The following TMTC2 variants were observed in gnomAD, a reference collection of about 807,000 sequenced individuals.
TMTC2 encodes protein O-mannosyl-transferase TMTC2.
In TMTC2, 43 loss-of-function variants were observed where a neutral mutation model predicts 82.4. That is an observed-to-expected ratio of 0.52 (90% CI 0.41 to 0.67). The LOEUF (loss-of-function observed/expected upper bound fraction) is 0.67, where lower values mean the gene tolerates loss of function less well. Among genes scored for constraint, TMTC2 ranks in the 30% least tolerant of loss-of-function variants. The pLI is 0.00. For missense variants in TMTC2, 919 were observed against 1,012.4 expected, an observed-to-expected ratio of 0.91 and a Z score of 1.25; for synonymous variants, 408 against 381.9, an observed-to-expected ratio of 1.07 and a Z score of -0.80.
intron 4 of TMTC2, among the ~76,000 whole-genome samples, chr12:82,960,564 A>G (rs1877873387): frequency 6.6e-6 from 1 of 152,042 alleles, no homozygotes; most frequent in African/African-American, 2.4e-5. Flanking sequence ...TGGAAGTGGC[A>G]ACTAAATATT....
At chr12:82,840,075 G>A (rs1870252373) in intron 1 of TMTC2, among the ~76,000 whole-genome samples, 1 of 152,192 alleles carries the variant, frequency 6.6e-6, no homozygotes, top group Non-Finnish European at 1.5e-5. Context: ...CAACATTTCA[G>A]GAAAAAGTGC....
intron 11 of TMTC2, among the ~76,000 whole-genome samples, chr12:83,118,931 G>A (rs1430129516): frequency 6.6e-6 from 1 of 152,060 alleles, no homozygotes; most frequent in East Asian, 1.9e-4. Context: ...AGGTTTTCTA[G>A]TTTATGTACA....
chr12:82,717,280 A>G lies in TMTC2; in HGVS notation c.83+29611A>G, dbSNP rs189014472. ...GCTCTTGTCGCCCAGGCTGTAGTGC[A>G]ATGGCGTGATCTCATCTCACCACAA... On this transcript the variant is annotated intron_variant, in intron 1 of 11. Coordinates refer to ENST00000321196, the MANE Select transcript of TMTC2 (RefSeq NM_152588.3). 5.4e-4 allele frequency among the ~76,000 whole-genome samples: 82 copies of G among 151,200 alleles called. No individual in the cohort carries two copies. In the East Asian group the frequency reaches 7.6e-3, roughly 14 times the overall value.
At chr12:82,782,076 A>G (rs1271473001) in intron 1 of TMTC2, among the ~76,000 whole-genome samples, 2 of 152,080 alleles carry the variant, frequency 1.3e-5, no homozygotes, top group African/African-American at 2.4e-5. Context: ...TAACAGTCAC[A>G]CCATTAACAT....
chr12:83,127,653 A>G (rs907088370), intron 11 of TMTC2, among the ~76,000 whole-genome samples: 4 of 151,986 alleles, frequency 2.6e-5, no homozygotes, highest in Non-Finnish European at 4.4e-5. Flanking sequence ...TTTCTTTCCA[A>G]TCCTACATGA....
At chr12:82,848,918 G>T (rs1870823753) in intron 1 of TMTC2, among the ~76,000 whole-genome samples, 1 of 152,132 alleles carries the variant, frequency 6.6e-6, no homozygotes, top group Non-Finnish European at 1.5e-5. Flanking sequence ...AGATGTAATG[G>T]TAGAAGGATA....
At chr12:82,743,450 A>C (rs1385537898) in intron 1 of TMTC2, among the ~76,000 whole-genome samples, 1 of 151,606 alleles carries the variant, frequency 6.6e-6, no homozygotes, top group Non-Finnish European at 1.5e-5. Context: ...CCGTCTCAAA[A>C]AAAAAAAAAA....
chr12:83,102,845 C>G (rs1884265252), intron 11 of TMTC2, among the ~76,000 whole-genome samples: 1 of 152,160 alleles, frequency 6.6e-6, no homozygotes, highest in Non-Finnish European at 1.5e-5. Context: ...TTGTCATTGA[C>G]CAACCTTAGG....
intron 11 of TMTC2, among the ~76,000 whole-genome samples, chr12:83,094,344 A>T (rs967266528): frequency 2.6e-5 from 4 of 152,176 alleles, no homozygotes; most frequent in Non-Finnish European, 4.4e-5. Flanking sequence ...TTGAAGGAAG[A>T]TGTAGACAAT....
chr12:83,002,827 T>C (rs1455931057), intron 8 of TMTC2, among the ~76,000 whole-genome samples: 1 of 152,056 alleles, frequency 6.6e-6, no homozygotes, highest in African/African-American at 2.4e-5. Flanking sequence ...GCTGTGCATC[T>C]GGTCGCTCTT....
intron 11 of TMTC2, 136 bp from the exon 12 acceptor site, chr12:83,132,073 TA>T: frequency 1.0e-6 from 1 of 980,528 alleles, no homozygotes; most frequent in Non-Finnish European, 1.4e-6. Flanking sequence ...TCTGTTTGTA[TA>T]AATTGCTAAA....
chr12:82,930,483 T>A lies in TMTC2; in HGVS notation c.1536T>A (p.Ala512=). The A allele has an allele frequency of 6.9e-6, 11 of 1,605,172 alleles. No individual in the cohort carries two copies. Among genetic ancestry groups the A allele is most frequent in the Non-Finnish European group, 9.4e-6 (11 of 1,173,230 alleles). ...VLKSQSKISE[A]ESAYRNALYY... is the part of the protein sequence containing the mutation. The stretch of plus-strand genomic sequence containing the variant: ...AGAGTCAGAGCAAAATTTCTGAAGC[T>A]GAAAGCGCCTATAGAAATGCTTTGT... The change falls in exon 4 of 12, where the codon GCT becomes GCA. Residue 512 remains alanine (A), a synonymous_variant. Transcript: ENST00000321196.
intron 2 of TMTC2, among the ~76,000 whole-genome samples, chr12:82,860,233 A>C (rs759549979): frequency 3.9e-5 from 6 of 152,146 alleles, no homozygotes; most frequent in Non-Finnish European, 5.9e-5. Flanking sequence ...CAGCCTCCCA[A>C]AGTGCTGGGA....
intron 1 of TMTC2, among the ~76,000 whole-genome samples, chr12:82,835,723 A>G (rs947560012): frequency 6.6e-6 from 1 of 152,152 alleles, no homozygotes; most frequent in African/African-American, 2.4e-5. Flanking sequence ...TTGGAGTTCT[A>G]TTGGAGACAC....
chr12:83,012,239 A>T (rs1424332314), intron 8 of TMTC2, among the ~76,000 whole-genome samples: 3 of 152,220 alleles, frequency 2.0e-5, no homozygotes, highest in South Asian at 2.1e-4. Flanking sequence ...AACAAAATAC[A>T]TCATTTTAGT....
intron 8 of TMTC2, 123 bp from the exon 9 acceptor site, chr12:83,030,675 A>AT (rs576826903): frequency 3.8e-3 from 2,476 of 648,230 alleles, no homozygotes; most frequent in South Asian, 6.1e-3. Flanking sequence ...TAAAAACAAA[A>AT]ATTTTTTTTT....
At chr12:82,840,377 T>A in intron 1 of TMTC2, among the ~76,000 whole-genome samples, 1 of 152,246 alleles carries the variant, frequency 6.6e-6, no homozygotes, top group Admixed American at 6.5e-5. Flanking sequence ...TGTAGACTTT[T>A]GTTTTCTTCA....
At chr12:82,943,236 A>G (rs574895746) in intron 4 of TMTC2, among the ~76,000 whole-genome samples, 2 of 152,348 alleles carry the variant, frequency 1.3e-5, no homozygotes, top group South Asian at 4.1e-4. Flanking sequence ...ATGTGTTGAA[A>G]ACATTTAATT....
chr12:82,815,252 C>T (rs1484883075), intron 1 of TMTC2, among the ~76,000 whole-genome samples: 1 of 149,500 alleles, frequency 6.7e-6, no homozygotes, highest in South Asian at 2.1e-4. Flanking sequence ...CTGCAAGCTC[C>T]GCCTCCCGAG....
Sources: gnomAD v4.1 joint callset for allele counts (sites outside exome capture counted in the v4.1 genomes callset) on GRCh38, gnomAD v4.1.1 for gene constraint, MANE v1.5 for transcripts, NCBI Gene and HGNC (gene_info 2026-07-23, HGNC 2026-07-21) for gene names.